The following MACROD2 variants were observed in gnomAD, a reference collection of about 807,000 sequenced individuals.
The protein encoded by MACROD2 is mono-ADP ribosylhydrolase 2.
MACROD2 carries 36 observed loss-of-function variants against 70.4 expected under a neutral mutation model. That is an observed-to-expected ratio of 0.51 (90% CI 0.39 to 0.68). The LOEUF (loss-of-function observed/expected upper bound fraction) is 0.68. MACROD2 is among the 30% of genes least tolerant of loss of function. The pLI is 0.00. For synonymous variants in MACROD2, 172 were observed against 178.8 expected (o/e 0.96, Z 0.30); for missense variants, 496 against 538.4 (o/e 0.92, Z 0.78).
chr20:15,507,320 C>T (rs2047438147), intron 8 of MACROD2, among the ~76,000 whole-genome samples: 1 of 151,380 alleles, frequency 6.6e-6, no homozygotes, highest in Admixed American at 6.6e-5. Context: ...TCCTCCCTCC[C>T]TTCCTGCTTC....
intron 5 of MACROD2, among the ~76,000 whole-genome samples, chr20:14,852,333 T>A (rs2073208126): frequency 6.6e-6 from 1 of 152,050 alleles, no homozygotes; most frequent in Admixed American, 6.6e-5. Flanking sequence ...GTCTTCTTGA[T>A]CTGGGGGTCA....
At chr20:14,184,638 G>C (rs2209020) in intron 3 of MACROD2, among the ~76,000 whole-genome samples, 82,243 of 151,880 alleles carry the variant, frequency 0.54, 23,460 homozygotes, top group Non-Finnish European at 0.63. Flanking sequence ...CCATTTTCAC[G>C]ATATTGATTC....
In MACROD2 at chr20:15,829,506, C is replaced by T. The variant is rs1050750721; in HGVS notation, c.646-33239C>T. On this transcript the variant is annotated intron_variant, in intron 8 of 17. Coordinates refer to ENST00000684519, the MANE Select transcript of MACROD2 (RefSeq NM_001351661.2). ...GTAATGACAACTGTGATCTCCTGGT[C>T]CCACCCCTTGACCAGCAAGCTGTCC... Among the ~76,000 whole-genome samples the T allele has an allele frequency of 2.6e-5, 4 of 152,082 alleles. No individual in the cohort carries two copies. The East Asian group carries it at 5.8e-4, about 22-fold the overall frequency.
At chr20:15,402,740 C>A (rs1482023984) in intron 6 of MACROD2, among the ~76,000 whole-genome samples, 1 of 152,172 alleles carries the variant, frequency 6.6e-6, no homozygotes, top group Admixed American at 6.5e-5. Flanking sequence ...GTGTCCTTCT[C>A]CGTTGCTGTA....
At chr20:14,327,377 A>C in intron 3 of MACROD2, 4 of 1,613,774 alleles carry the variant, frequency 2.5e-6, no homozygotes, top group Non-Finnish European at 3.4e-6. Context: ...CGATCATTAC[A>C]GTAAATGAAA....
chr20:15,414,461 G>T lies in MACROD2; in HGVS notation c.541-16944G>T, dbSNP rs556188022. On this transcript the variant is annotated intron_variant, in intron 6 of 17. Coordinates refer to ENST00000684519, the MANE Select transcript of MACROD2 (RefSeq NM_001351661.2). The stretch of plus-strand genomic sequence containing the variant: ...ATTGACTGTGGTCTAAGCTGTAGAC[G>T]TGTCATGGACAGGTAGAAACCGATA... 1.1e-4 allele frequency among the ~76,000 whole-genome samples: 17 copies of T among 152,290 alleles called. No homozygotes were observed. In the East Asian group the frequency reaches 3.1e-3, roughly 28 times the overall value.
At chr20:15,810,389 A>G (rs1270728708) in intron 8 of MACROD2, among the ~76,000 whole-genome samples, 2 of 151,626 alleles carry the variant, frequency 1.3e-5, no homozygotes, top group East Asian at 1.9e-4. Flanking sequence ...CAGTAATGGG[A>G]TGGCTGGGTC....
At chr20:14,626,951 T>C (rs745845265) in intron 4 of MACROD2, 7 of 152,092 alleles carry the variant, frequency 4.6e-5, no homozygotes, top group Non-Finnish European at 7.3e-5. Flanking sequence ...ATAAGAAGAA[T>C]TGGCAAGGGA....
chr20:14,266,357 C>T lies in MACROD2; in HGVS notation c.271+180629C>T, dbSNP rs563871435. Reference sequence around the variant, plus strand: ...TTGATCATCAGAGGGCTGAAAAATCCCTACTCTAAGCCTTTGAGAGGAATC... The same window carrying T: ...TTGATCATCAGAGGGCTGAAAAATCTCTACTCTAAGCCTTTGAGAGGAATC... On this transcript the variant is annotated intron_variant, in intron 3 of 17. Transcript: ENST00000684519. Among the ~76,000 whole-genome samples, 14 of 152,044 alleles carry T rather than the reference C, an allele frequency of 9.2e-5. No individual in the cohort carries two copies. The South Asian group carries it at 2.7e-3, about 29-fold the overall frequency.
intron 3 of MACROD2, among the ~76,000 whole-genome samples, chr20:14,248,825 G>T (rs2081987715): frequency 2.0e-5 from 3 of 151,288 alleles, no homozygotes; most frequent in Admixed American, 2.0e-4. Context: ...ATTTTTTTTT[G>T]TATATATTCT....
intron 3 of MACROD2, among the ~76,000 whole-genome samples, chr20:14,138,560 A>G (rs1380682998): frequency 1.3e-5 from 2 of 152,198 alleles, no homozygotes; most frequent in Non-Finnish European, 2.9e-5. Flanking sequence ...TTGATCTCAT[A>G]GAAATTTTAG....
At chr20:15,761,614 A>G (rs2051437453) in intron 8 of MACROD2, among the ~76,000 whole-genome samples, 2 of 152,204 alleles carry the variant, frequency 1.3e-5, no homozygotes, top group African/African-American at 4.8e-5. Flanking sequence ...AACATTAAGC[A>G]TGTCACTGAA....
chr20:14,035,550 A>T (rs963198339), intron 2 of MACROD2, among the ~76,000 whole-genome samples: 1 of 152,198 alleles, frequency 6.6e-6, no homozygotes, highest in African/African-American at 2.4e-5. Context: ...CAGAGCCCAC[A>T]TATTAAAGTA....
At chr20:14,565,062 C>T (rs896345140) in intron 4 of MACROD2, among the ~76,000 whole-genome samples, 3 of 151,812 alleles carry the variant, frequency 2.0e-5, no homozygotes, top group African/African-American at 7.3e-5. Context: ...GACCATTATC[C>T]TAACTGAAAT....
chr20:15,950,589 G>A (rs2065890610), intron 12 of MACROD2, among the ~76,000 whole-genome samples: 1 of 152,146 alleles, frequency 6.6e-6, no homozygotes, highest in South Asian at 2.1e-4. Flanking sequence ...CATGTAGAAT[G>A]GCACGTCATT....
At chr20:14,100,964 C>T (rs2054296609) in intron 3 of MACROD2, among the ~76,000 whole-genome samples, 3 of 149,782 alleles carry the variant, frequency 2.0e-5, no homozygotes, top group South Asian at 2.1e-4. Flanking sequence ...CCTCCCATCT[C>T]GGACTGTGGC....
chr20:15,318,602 A>G (rs2077839994), intron 6 of MACROD2, among the ~76,000 whole-genome samples: 1 of 152,154 alleles, frequency 6.6e-6, no homozygotes, highest in Non-Finnish European at 1.5e-5. Flanking sequence ...ATTTAATAGC[A>G]TATTAAAAGG....
At chr20:14,758,595 G>A (rs2071973250) in intron 5 of MACROD2, among the ~76,000 whole-genome samples, 2 of 152,094 alleles carry the variant, frequency 1.3e-5, no homozygotes, top group Admixed American at 1.3e-4. Context: ...CAAATCCACT[G>A]GGGGACCCAT....
In MACROD2 at chr20:15,761,491, C is replaced by T. The variant is rs202007787; in HGVS notation, c.646-101254C>T. 1.1e-3 allele frequency among the ~76,000 whole-genome samples: 173 copies of T among 152,234 alleles called. 1 individual carries two copies. The highest frequency in any genetic ancestry group is 7.0e-3 in the East Asian group (36 of 5,178). ...TAATTGTGCAAGAGATAACAAAAATCGCTTCAATGATCTGATCAATTGAGG... is the reference window on the plus strand; with the variant it reads ...TAATTGTGCAAGAGATAACAAAAATTGCTTCAATGATCTGATCAATTGAGG... On this transcript the variant is annotated intron_variant, in intron 8 of 17. Transcript: ENST00000684519.
Sources: allele counts gnomAD v4.1 joint callset (sites outside exome capture counted in the v4.1 genomes callset), GRCh38; gene constraint gnomAD v4.1.1; transcripts MANE v1.5; gene names NCBI Gene and HGNC (gene_info 2026-07-23, HGNC 2026-07-21).